The following ZFAND6 variants were observed in gnomAD, a reference collection of about 807,000 sequenced individuals.
ZFAND6 encodes the protein AN1-type zinc finger protein 6.
A neutral mutation model predicts 24.5 loss-of-function variants in ZFAND6; 12 were observed. The observed-to-expected ratio is 0.49, with a 90% CI of 0.31 to 0.79. The LOEUF is 0.79. Ranked by LOEUF, ZFAND6 falls within the 30% of genes least tolerant of loss-of-function variation. The pLI, the probability that ZFAND6 is intolerant of heterozygous loss-of-function variation, is 0.04. For missense variants in ZFAND6, 207 were observed against 245.9 expected (o/e 0.84, Z 1.06); for synonymous variants, 92 against 81.5 (o/e 1.13, Z -0.69).
Position 80,079,130 on chromosome 15 carries a change from G to C in ZFAND6, c.-180-19286G>C, listed in dbSNP as rs888145982. Reference sequence around the variant, plus strand: ...TTTTTAATGGGATTATTTGTTTCTTGCTTGTTGAATTCTGGATATTAGACC... The same window carrying C: ...TTTTTAATGGGATTATTTGTTTCTTCCTTGTTGAATTCTGGATATTAGACC... On this transcript the variant is annotated intron_variant, in intron 1 of 6. Coordinates refer to ENST00000261749, the MANE Select transcript of ZFAND6 (RefSeq NM_019006.4). Among the ~76,000 whole-genome samples the C allele has an allele frequency of 3.4e-5, 5 of 147,896 alleles. 1 individual carries two copies. In the East Asian group the frequency reaches 6.1e-4, roughly 18 times the overall value.
At chr15:80,126,930 T>C (rs1483617017) in intron 5 of ZFAND6, among the ~76,000 whole-genome samples, 1 of 151,910 alleles carries the variant, frequency 6.6e-6, no homozygotes, top group Non-Finnish European at 1.5e-5. Flanking sequence ...CTGGGCAACA[T>C]GGCAAAACCC....
chr15:80,100,277 A>G (rs993824169), intron 2 of ZFAND6, among the ~76,000 whole-genome samples: 5 of 152,328 alleles, frequency 3.3e-5, no homozygotes, highest in Non-Finnish European at 5.9e-5. Flanking sequence ...CAGTACTTCA[A>G]CACCCTTCCC....
intron 2 of ZFAND6, 116 bp from the exon 3 acceptor site, chr15:80,120,212 T>C (rs2040086044): frequency 1.2e-6 from 1 of 816,276 alleles, no homozygotes; most frequent in Non-Finnish European, 1.8e-6. Context: ...GGGACAGTTA[T>C]GTAGAATAGT....
chr15:80,118,717 G>C (rs1053944108), intron 2 of ZFAND6, among the ~76,000 whole-genome samples: 1 of 152,022 alleles, frequency 6.6e-6, no homozygotes, highest in African/African-American at 2.4e-5. Flanking sequence ...ATCCCAAATT[G>C]TGTTCATAGG....
At chr15:80,108,338 A>G (rs1018687036) in intron 2 of ZFAND6, among the ~76,000 whole-genome samples, 1 of 152,192 alleles carries the variant, frequency 6.6e-6, no homozygotes, top group African/African-American at 2.4e-5. Flanking sequence ...GGGGGGAAGT[A>G]CAAAGTCTAC....
chr15:80,100,254 G>A (rs2141939842), intron 2 of ZFAND6, among the ~76,000 whole-genome samples: 1 of 152,300 alleles, frequency 6.6e-6, no homozygotes, highest in East Asian at 1.9e-4. Context: ...ATTTGGTGCT[G>A]CTATTCTGTG....
chr15:80,113,025 C>CCTTTGTGTAACA (rs57578886), intron 2 of ZFAND6, among the ~76,000 whole-genome samples: 7,829 of 152,220 alleles, frequency 0.051, 223 homozygotes, highest in African/African-American at 0.058. Flanking sequence ...GCTCGTCTTA[C>CCTTTGTGTAACA]CTTTGTGTAA....
intron 1 of ZFAND6, among the ~76,000 whole-genome samples, chr15:80,077,701 T>TTC (rs1266432893): frequency 1.4e-5 from 2 of 142,726 alleles, no homozygotes; most frequent in African/African-American, 2.6e-5. Context: ...TTCTTTCTTT[T>TTC]TTTTTTTTTT....
chr15:80,079,489 G>T (rs1281172930), intron 1 of ZFAND6, among the ~76,000 whole-genome samples: 1 of 151,370 alleles, frequency 6.6e-6, no homozygotes, highest in East Asian at 2.0e-4. Flanking sequence ...CAAAGTGCTG[G>T]GATTACAGGC....
intron 1 of ZFAND6, among the ~76,000 whole-genome samples, chr15:80,067,084 GCTTGA>G (rs1345116030): frequency 1.3e-5 from 2 of 152,124 alleles, no homozygotes; most frequent in Non-Finnish European, 2.9e-5. Context: ...TATGCAAAGT[GCTTGA>G]CTTGACTTTG....
chr15:80,065,357 T>C (rs1390467785), intron 1 of ZFAND6, among the ~76,000 whole-genome samples: 1 of 151,986 alleles, frequency 6.6e-6, no homozygotes, highest in Non-Finnish European at 1.5e-5. Context: ...TATTGAAATA[T>C]CAATGATTTG....
In ZFAND6 at chr15:80,127,605, A is replaced by C. The variant is rs866734496; in HGVS notation, c.365-3575A>C. On this transcript the variant is annotated intron_variant, in intron 5 of 6. Coordinates refer to ENST00000261749, the MANE Select transcript of ZFAND6 (RefSeq NM_019006.4). Reference sequence around the variant, plus strand: ...ACTCCATCTCAAAAAAAAAAAAAAAAAAAAAAAAAACCATGCTCAACTTCA... The same window carrying C: ...ACTCCATCTCAAAAAAAAAAAAAAACAAAAAAAAAACCATGCTCAACTTCA... Among the ~76,000 whole-genome samples the C allele has an allele frequency of 0.02, 2,997 of 150,262 alleles. 237 individuals are homozygous for C. The East Asian group carries it at 0.22, about 11-fold the overall frequency.
intron 1 of ZFAND6, among the ~76,000 whole-genome samples, chr15:80,085,214 C>T (rs780265211): frequency 6.6e-6 from 1 of 152,142 alleles, no homozygotes; most frequent in Non-Finnish European, 1.5e-5. Flanking sequence ...TTTCTTTTCT[C>T]CATCGTTCTT....
At chr15:80,091,815 T>C (rs1329446548) in intron 1 of ZFAND6, among the ~76,000 whole-genome samples, 2 of 152,066 alleles carry the variant, frequency 1.3e-5, no homozygotes, top group African/African-American at 2.4e-5. Flanking sequence ...AATTTTAAAA[T>C]TTTTTGTAGA....
intron 1 of ZFAND6, among the ~76,000 whole-genome samples, chr15:80,097,673 A>AATAAATACATAC (rs71455303): frequency 6.6e-6 from 1 of 150,520 alleles, no homozygotes; most frequent in Admixed American, 6.6e-5. Context: ...TAAATAAATA[A>AATAAATACATAC]ATACATACAT....
intron 1 of ZFAND6, among the ~76,000 whole-genome samples, chr15:80,065,308 A>T (rs1290904704): frequency 2.0e-5 from 3 of 151,296 alleles, no homozygotes; most frequent in Non-Finnish European, 4.4e-5. Context: ...TGCCTTTATC[A>T]TATGTTAAAT....
chr15:80,075,977 A>G (rs1567054186), intron 1 of ZFAND6, among the ~76,000 whole-genome samples: 2 of 152,016 alleles, frequency 1.3e-5, no homozygotes, highest in Non-Finnish European at 2.9e-5. Context: ...GCCATTGACT[A>G]CTTTTCCTGC....
At chr15:80,072,554 G>A (rs1596192253) in intron 1 of ZFAND6, 1 of 152,204 alleles carries the variant, frequency 6.6e-6, no homozygotes, top group Non-Finnish European at 1.5e-5. Context: ...TGGAGAAGGT[G>A]GAGCTTGGTA....
At chr15:80,089,353 G>C (rs1282069078) in intron 1 of ZFAND6, among the ~76,000 whole-genome samples, 1 of 137,258 alleles carries the variant, frequency 7.3e-6, no homozygotes, top group Non-Finnish European at 1.5e-5. Flanking sequence ...CCACCTCCCT[G>C]GTTCAAGCAA....
Sources: allele counts gnomAD v4.1 joint callset (sites outside exome capture counted in the v4.1 genomes callset), GRCh38; gene constraint gnomAD v4.1.1; transcripts MANE v1.5; gene names NCBI Gene and HGNC (gene_info 2026-07-23, HGNC 2026-07-21).